FREM2: variants seen among roughly 807,000 people sequenced by gnomAD.
The protein encoded by FREM2 is FRAS1-related extracellular matrix protein 2.
In FREM2, 119 loss-of-function variants were observed where a neutral mutation model predicts 219.9. That is an observed-to-expected ratio of 0.54 (90% confidence interval 0.47 to 0.63). The LOEUF is 0.63. FREM2 is among the 30% of genes least tolerant of loss of function. The pLI, the probability that FREM2 is intolerant of heterozygous loss-of-function variation, is 0.00. For synonymous variants in FREM2, 1,562 were observed against 1,522.8 expected, an observed-to-expected ratio of 1.03 and a Z score of -0.60; for missense variants, 4,030 against 3,993.6, an observed-to-expected ratio of 1.01 and a Z score of -0.25.
Position 38,688,234 on chromosome 13 carries a change from C to T in FREM2, c.890C>T (p.Ala297Val). ...CGAGGGGCTCCTGTGGGCAGCCCTGCTTTGAAACGCGAGCACTTCCAGGTT... is the reference window on the plus strand; with the variant it reads ...CGAGGGGCTCCTGTGGGCAGCCCTGTTTTGAAACGCGAGCACTTCCAGGTT... The part of the protein sequence containing the change: ...RSRGAPVGSP[A>V]LKREHFQVLV... Residue 297 changes from alanine (A) to valine (V), a missense_variant, in exon 1 of 24, where the codon GCT (alanine) becomes GTT (valine). This residue lies in a region of FREM2 where 3,102 missense variants were observed against 2,950.7 expected (regional missense o/e 1.05). Transcript: ENST00000280481. 6.2e-7 allele frequency: 1 copy of T among 1,613,792 alleles called. No individual in the cohort carries two copies. Among genetic ancestry groups the T allele is most frequent in the South Asian group, 1.1e-5 (1 of 91,074 alleles).
chr13:38,752,870 C>A lies in FREM2; in HGVS notation c.5264-11434C>A, dbSNP rs114306436. Among the ~76,000 whole-genome samples, 505 of 152,262 alleles carry A rather than the reference C, an allele frequency of 3.3e-3. 2 individuals carry two copies. The highest frequency in any genetic ancestry group is 0.012 in the African/African-American group (478 of 41,560). On this transcript the variant is annotated intron_variant, in intron 2 of 23. Coordinates refer to ENST00000280481, the MANE Select transcript of FREM2 (RefSeq NM_207361.6). ...AAAGAGGTGGAGAAGTGTAGAGAAC[C>A]ACTGCTTTCCTTTAGCTCAGAGTCT...
At chr13:38,834,185 T>TA (rs1425000549) in intron 6 of FREM2, among the ~76,000 whole-genome samples, 87 of 144,154 alleles carry the variant, frequency 6.0e-4, no homozygotes, top group African/African-American at 2.2e-3. Flanking sequence ...CACCCCCCAA[T>TA]AGGCCCCAGT....
chr13:38,871,096 T>C (rs1440091001), intron 16 of FREM2, among the ~76,000 whole-genome samples: 1 of 152,202 alleles, frequency 6.6e-6, no homozygotes, highest in Non-Finnish European at 1.5e-5. Context: ...CTCAAAGGAC[T>C]TTTAATGCAA....
At chr13:38,768,458 G>A (rs1873528467) in intron 3 of FREM2, among the ~76,000 whole-genome samples, 1 of 151,806 alleles carries the variant, frequency 6.6e-6, no homozygotes, top group South Asian at 2.1e-4. Context: ...TGTCTTTTTT[G>A]TAGAGATGGG....
chr13:38,781,565 T>C (rs1874119015), intron 4 of FREM2, among the ~76,000 whole-genome samples: 2 of 152,178 alleles, frequency 1.3e-5, no homozygotes, highest in Non-Finnish European at 2.9e-5. Flanking sequence ...GCACAGTATC[T>C]GGCAAGTCGA....
intron 23 of FREM2, 76 bp downstream of exon 23, chr13:38,879,053 G>A (rs912874771): frequency 3.1e-6 from 4 of 1,293,038 alleles, no homozygotes; most frequent in Admixed American, 1.7e-5. Context: ...TGCCTCAGAT[G>A]TCTCATATGT....
intron 6 of FREM2, among the ~76,000 whole-genome samples, chr13:38,813,555 CTCTCTCTCTATATATA>C (rs1875622581): frequency 4.4e-5 from 1 of 22,542 alleles, no homozygotes; most frequent in Non-Finnish European, 7.5e-5. Context: ...CTCTCTCTCT[CTCTCTCTCTATATATA>C]TATATATATA....
At chr13:38,808,557 ATTC>A (rs1875344703) in intron 6 of FREM2, among the ~76,000 whole-genome samples, 1 of 151,860 alleles carries the variant, frequency 6.6e-6, no homozygotes, top group Admixed American at 6.6e-5. Context: ...TGATTTCAGT[ATTC>A]TTGTGTCTCA....
In FREM2 at chr13:38,846,846, C is replaced by T. The variant is rs1877176793; in HGVS notation, c.6169+124C>T. ...CAGTTGGCTGGGTATATTGTTTTTG[C>T]TGAAATTATTACTCTAGGAGGTAAA... is the stretch of plus-strand genomic sequence containing the variant. On this transcript the variant is annotated intron_variant, in intron 7 of 23. Transcript: ENST00000280481. 1.8e-5 allele frequency: 19 copies of T among 1,075,004 alleles called. No individual in the cohort carries two copies. In the South Asian group the frequency reaches 2.5e-4, roughly 14 times the overall value. 66.6% of individuals were successfully genotyped at this position (1,075,004 alleles called of 1,614,324 possible). A position where few individuals can be genotyped will look rare whatever the true frequency, so the allele number is the denominator to read the frequency against.
chr13:38,839,753 T>C (rs1039994551), intron 6 of FREM2, among the ~76,000 whole-genome samples: 3 of 152,036 alleles, frequency 2.0e-5, no homozygotes, highest in Non-Finnish European at 4.4e-5. Context: ...TTTTTTACTC[T>C]GTGAGGGGAA....
intron 6 of FREM2, among the ~76,000 whole-genome samples, chr13:38,796,730 C>G (rs1024467701): frequency 6.6e-6 from 1 of 152,136 alleles, no homozygotes; most frequent in African/African-American, 2.4e-5. Flanking sequence ...AATGAACACA[C>G]AAGTGCAGGT....
chr13:38,690,343 C>T lies in FREM2; in HGVS notation c.2999C>T (p.Pro1000Leu). The change falls in exon 1 of 24, where the codon CCA becomes CTA. Residue 1000 changes from proline (P) to leucine (L), a missense_variant. Around this residue, in one of 2 missense-constraint regions of FREM2, gnomAD observed 3,102 missense variants for 2,950.7 expected, o/e 1.05. Coordinates refer to ENST00000280481, the MANE Select transcript of FREM2 (RefSeq NM_207361.6). ...LYGEILVNGI[P>L]AEQFTQRDIL... ...GGGGAAATCTTGGTCAATGGCATTC[C>T]AGCAGAGCAGTTTACTCAAAGGGAC... 6.2e-7 allele frequency: 1 copy of T among 1,614,180 alleles called. No individual in the cohort carries two copies. The highest frequency in any genetic ancestry group is 8.5e-7 in the Non-Finnish European group (1 of 1,180,034).
At chr13:38,771,577 C>A (rs1366296643) in intron 4 of FREM2, among the ~76,000 whole-genome samples, 1 of 152,132 alleles carries the variant, frequency 6.6e-6, no homozygotes, top group Non-Finnish European at 1.5e-5. Flanking sequence ...CACAGCCCCC[C>A]ACTTATATAA....
At chr13:38,870,401 A>G (rs1424100409) in intron 16 of FREM2, among the ~76,000 whole-genome samples, 2 of 152,228 alleles carry the variant, frequency 1.3e-5, no homozygotes, top group Non-Finnish European at 2.9e-5. Flanking sequence ...TTCAAACAGC[A>G]ATAGGGACAT....
In FREM2 at chr13:38,784,610, T is replaced by C. The variant is rs116669404; in HGVS notation, c.5821T>C (p.Ser1941Pro). Reference protein sequence around the residue: ...TSVLSYSDYISRPEDHTSVVR... With the variant: ...TSVLSYSDYIPRPEDHTSVVR... ...CGTGTTGTCTTACTCTGATTACATA[T>C]CCAGGCCTGAGGACCACACCAGTGT... is the stretch of plus-strand genomic sequence containing the variant. Residue 1941 changes from serine to proline, a missense_variant, in exon 6 of 24, where the codon TCC becomes CCC. Transcript: ENST00000280481. The C allele has an allele frequency of 6.2e-7, 1 of 1,614,164 alleles. No individual in the cohort carries two copies. The highest frequency in any genetic ancestry group is 1.3e-5 in the African/African-American group (1 of 75,056).
Position 38,762,730 on chromosome 13 carries a change from C to T in FREM2, c.5264-1574C>T, listed in dbSNP as rs145080681. 2.3e-3 allele frequency among the ~76,000 whole-genome samples: 345 copies of T among 152,198 alleles called. 2 individuals are homozygous for T. The highest frequency in any genetic ancestry group is 7.8e-3 in the African/African-American group (323 of 41,542). On this transcript the variant is annotated intron_variant, in intron 2 of 23. Coordinates refer to ENST00000280481, the MANE Select transcript of FREM2 (RefSeq NM_207361.6). ...GACTACAGGCATGAGCCACCACGCC[C>T]GGCCCCAATCTATTTATATTTTATA...
intron 6 of FREM2, among the ~76,000 whole-genome samples, chr13:38,826,680 A>C (rs1026227860): frequency 2.0e-5 from 3 of 152,140 alleles, no homozygotes; most frequent in African/African-American, 7.2e-5. Context: ...ACACCATATT[A>C]ATCGTCATCT....
At chr13:38,828,709 T>C (rs1393746810) in intron 6 of FREM2, among the ~76,000 whole-genome samples, 1 of 148,024 alleles carries the variant, frequency 6.8e-6, no homozygotes, top group African/African-American at 2.6e-5. Context: ...AGAGAGACCA[T>C]GTCTCTTAAT....
intron 2 of FREM2, among the ~76,000 whole-genome samples, chr13:38,748,484 T>C (rs1194258777): frequency 6.6e-6 from 1 of 152,204 alleles, no homozygotes; most frequent in Non-Finnish European, 1.5e-5. Context: ...CATATCTGTG[T>C]TTTGGATGGT....
Sources: allele counts gnomAD v4.1 joint callset (sites outside exome capture counted in the v4.1 genomes callset), GRCh38; gene constraint gnomAD v4.1.1; regional missense constraint gnomAD v4.1.1; transcripts MANE v1.5; gene names NCBI Gene and HGNC (gene_info 2026-07-23, HGNC 2026-07-21).